CNTN4: variants seen among roughly 807,000 people sequenced by gnomAD.
CNTN4 encodes contactin-4.
In CNTN4, 77 loss-of-function variants were observed where a neutral mutation model predicts 122.5. That is an observed-to-expected ratio of 0.63 (90% CI 0.52 to 0.76). The LOEUF (loss-of-function observed/expected upper bound fraction) is 0.76. CNTN4 is among the 30% of genes least tolerant of loss of function. The pLI, the probability that CNTN4 is intolerant of heterozygous loss-of-function variation, is 0.00. For synonymous variants in CNTN4, 512 were observed against 447.0 expected (o/e 1.15, Z -1.83); for missense variants, 1,256 against 1,259.1 (o/e 1.00, Z 0.04).
intron 4 of CNTN4, among the ~76,000 whole-genome samples, chr3:2,665,591 C>G (rs1426543329): frequency 6.6e-6 from 1 of 152,060 alleles, no homozygotes; most frequent in Non-Finnish European, 1.5e-5. Context: ...TGGGAGAAAC[C>G]TGGGTGAAAA....
rs1329077533 is a variant in CNTN4, at chr3:2,296,139, T to A, written c.-144-43039T>A. The stretch of plus-strand genomic sequence containing the variant: ...TGCCTCCAACTTTGTTCTTTTGGCT[T>A]AGGATTGACTTGGCGATGCGGGCTC... On this transcript the variant is annotated intron_variant, in intron 2 of 24. Coordinates refer to ENST00000418658, the MANE Select transcript of CNTN4 (RefSeq NM_175607.3). Among the ~76,000 whole-genome samples the A allele has an allele frequency of 2.0e-5, 3 of 152,152 alleles. No homozygotes were observed. In the East Asian group the frequency reaches 5.8e-4, roughly 29 times the overall value.
chr3:2,268,856 G>A (rs1483353938), intron 2 of CNTN4, among the ~76,000 whole-genome samples: 1 of 152,090 alleles, frequency 6.6e-6, no homozygotes, highest in Non-Finnish European at 1.5e-5. Context: ...TTTCACTCTT[G>A]AACTCTTGTC....
At chr3:3,043,786 C>A (rs1249008036) in intron 23 of CNTN4, 82 bp downstream of exon 23, 26 of 903,240 alleles carry the variant, frequency 2.9e-5, no homozygotes, top group Non-Finnish European at 1.8e-6. Context: ...CAGTTGTCTG[C>A]ATTGTCAGTT....
At chr3:3,050,957 TACAGCCC>T (rs1450933699) in intron 23 of CNTN4, among the ~76,000 whole-genome samples, 1 of 152,118 alleles carries the variant, frequency 6.6e-6, no homozygotes, top group Non-Finnish European at 1.5e-5. Context: ...AACAAGCTTG[TACAGCCC>T]ACAGCCCACA....
intron 6 of CNTN4, among the ~76,000 whole-genome samples, chr3:2,750,113 A>C (rs1013178122): frequency 6.6e-6 from 1 of 152,212 alleles, no homozygotes; most frequent in Admixed American, 6.5e-5. Flanking sequence ...AGATTAGAGT[A>C]ACGGAATTAC....
At chr3:2,397,674 C>CT in intron 3 of CNTN4, among the ~76,000 whole-genome samples, 1 of 152,036 alleles carries the variant, frequency 6.6e-6, no homozygotes, top group Middle Eastern at 3.2e-3. Context: ...ATTGGGGGTT[C>CT]TATGAATGGA....
chr3:2,862,752 A>C (rs1034883381), intron 7 of CNTN4, among the ~76,000 whole-genome samples: 5 of 148,674 alleles, frequency 3.4e-5, no homozygotes, highest in African/African-American at 1.2e-4. Context: ...AGCACAGAAA[A>C]GTTTATTTTG....
chr3:2,402,045 T>G (rs1575557521), intron 3 of CNTN4, among the ~76,000 whole-genome samples: 1 of 152,092 alleles, frequency 6.6e-6, no homozygotes, highest in Non-Finnish European at 1.5e-5. Flanking sequence ...GTCTATGACA[T>G]GTACTCTGCT....
chr3:2,806,037 G>C (rs552543076), intron 6 of CNTN4, among the ~76,000 whole-genome samples: 45 of 152,232 alleles, frequency 3.0e-4, no homozygotes, highest in Non-Finnish European at 5.3e-4. Flanking sequence ...GAGTAGCTGG[G>C]ACTACAGGTG....
At chr3:2,571,975 C>G (rs1393922045) in intron 4 of CNTN4, among the ~76,000 whole-genome samples, 2 of 152,204 alleles carry the variant, frequency 1.3e-5, no homozygotes, top group Admixed American at 1.3e-4. Context: ...ACCACTCCAT[C>G]TTCTGATACT....
intron 2 of CNTN4, among the ~76,000 whole-genome samples, chr3:2,164,998 A>G (rs1019815180): frequency 6.6e-6 from 1 of 152,204 alleles, no homozygotes; most frequent in South Asian, 2.1e-4. Flanking sequence ...AAATGCTGCT[A>G]CAAGACTGGC....
At chr3:2,812,960 C>G (rs1242568810) in intron 6 of CNTN4, among the ~76,000 whole-genome samples, 1 of 152,190 alleles carries the variant, frequency 6.6e-6, no homozygotes, top group Non-Finnish European at 1.5e-5. Flanking sequence ...GCTATATACT[C>G]TCTTACAGGG....
chr3:2,259,785 C>T (rs1379521085), intron 2 of CNTN4, among the ~76,000 whole-genome samples: 2 of 152,058 alleles, frequency 1.3e-5, no homozygotes, highest in Admixed American at 6.6e-5. Context: ...GAGATTTGGG[C>T]GGGGGACGCA....
chr3:2,700,092 G>A (rs2086274884), intron 4 of CNTN4, among the ~76,000 whole-genome samples: 1 of 152,080 alleles, frequency 6.6e-6, no homozygotes, highest in Non-Finnish European at 1.5e-5. Context: ...GAGCCACAGA[G>A]AAATTACACA....
intron 4 of CNTN4, among the ~76,000 whole-genome samples, chr3:2,610,673 ATGT>A (rs1423927878): frequency 1.3e-5 from 2 of 152,222 alleles, no homozygotes; most frequent in Admixed American, 6.5e-5. Flanking sequence ...GACCATGGAA[ATGT>A]TGTTTTAATT....
chr3:2,514,809 G>A (rs2149098343), intron 3 of CNTN4, among the ~76,000 whole-genome samples: 1 of 152,226 alleles, frequency 6.6e-6, no homozygotes, highest in South Asian at 2.1e-4. Context: ...CTAGGGACAG[G>A]GTGACATGTG....
chr3:2,708,073 A>G (rs916855361), intron 4 of CNTN4, among the ~76,000 whole-genome samples: 4 of 152,166 alleles, frequency 2.6e-5, no homozygotes, highest in Non-Finnish European at 4.4e-5. Flanking sequence ...AGAAAACAAA[A>G]TATGAATTTA....
intron 3 of CNTN4, among the ~76,000 whole-genome samples, chr3:2,446,222 G>A (rs569295579): frequency 6.6e-6 from 1 of 152,226 alleles, no homozygotes; most frequent in African/African-American, 2.4e-5. Flanking sequence ...TTTCAGTGTA[G>A]GATCTTTTTT....
At chr3:2,343,234 C>A (rs558455232) in intron 3 of CNTN4, among the ~76,000 whole-genome samples, 1 of 152,246 alleles carries the variant, frequency 6.6e-6, no homozygotes, top group East Asian at 1.9e-4. Context: ...CCCCACCTCC[C>A]CACAACCAAT....
Sources: allele counts gnomAD v4.1 joint callset (sites outside exome capture counted in the v4.1 genomes callset), GRCh38; gene constraint gnomAD v4.1.1; transcripts MANE v1.5; gene names NCBI Gene and HGNC (gene_info 2026-07-23, HGNC 2026-07-21).